Variants in PRH1 observed in about 807,000 individuals in gnomAD.
PRH1 encodes salivary acidic proline-rich phosphoprotein 1/2.
PRH1 carries 7 observed loss-of-function variants against 7.9 expected under a neutral mutation model. The ratio of observed to expected loss-of-function variants is 0.89; its 90% CI spans 0.50 to 1.67. PRH1 has a LOEUF of 1.67. PRH1 is among the 40% of genes most tolerant of loss of function. PRH1 has a pLI of 0.00. For synonymous variants in PRH1, 45 were observed against 80.8 expected, an observed-to-expected ratio of 0.56 and a Z score of 2.38; for missense variants, 109 against 223.6, an observed-to-expected ratio of 0.49 and a Z score of 3.27.
rs1941119582 is a variant in PRH1, at chr12:11,012,748, G to T, written c.-126+34272C>A. 2.6e-5 allele frequency among the ~76,000 whole-genome samples: 4 copies of T among 152,096 alleles called. No homozygotes were observed. The South Asian group carries it at 8.3e-4, about 32-fold the overall frequency. ...ATTTTTCAGTTTTTTTGTAGAAATG[G>T]GGTCTCCCTATGTTGCCCAGTATGG... On this transcript the variant is annotated intron_variant, in intron 1 of 3. Transcript: ENST00000539853.
At chr12:10,888,147 G>A (rs369948850), upstream of PRH1, among the ~76,000 whole-genome samples, 11 of 152,138 alleles carry the variant, frequency 7.2e-5, no homozygotes, top group African/African-American at 2.2e-4. Context: ...ATAGCATCAC[G>A]TCGCCCTTGC....
intron 1 of PRH1, among the ~76,000 whole-genome samples, chr12:11,010,622 G>A (rs1363358357): frequency 1.3e-5 from 2 of 151,730 alleles, no homozygotes; most frequent in African/African-American, 4.8e-5. Context: ...CAAAGTAATT[G>A]TACTTTATAA....
At chr12:10,902,241 A>C (rs2135811417) in intron 2 of PRH1, among the ~76,000 whole-genome samples, 1 of 152,192 alleles carries the variant, frequency 6.6e-6, no homozygotes, top group African/African-American at 2.4e-5. Flanking sequence ...TATAAAGTAC[A>C]ATCTCTCATA....
At chr12:11,091,143 T>TA (rs1565644368) in intron 1 of PRH1, 7 of 61,270 alleles carry the variant, frequency 1.1e-4, no homozygotes, top group East Asian at 1.0e-3. Context: ...TATATATATA[T>TA]TTTCTAGACT....
chr12:10,913,512 A>T (rs987449394), intron 2 of PRH1, among the ~76,000 whole-genome samples: 76 of 152,152 alleles, frequency 5.0e-4, no homozygotes, highest in African/African-American at 1.8e-3. Context: ...TATTTTTGTT[A>T]GTGTTTTATG....
intron 2 of PRH1, chr12:10,909,473 T>G: frequency 3.4e-6 from 2 of 583,666 alleles, no homozygotes; most frequent in Non-Finnish European, 3.1e-6. Flanking sequence ...CTGATCGATC[T>G]TCACATAACT....
intron 1 of PRH1, among the ~76,000 whole-genome samples, chr12:11,021,199 AC>A (rs1281555230): frequency 2.0e-5 from 3 of 152,180 alleles, no homozygotes; most frequent in African/African-American, 2.4e-5. Context: ...AATAAAACCT[AC>A]CCCAAAGATC....
intron 2 of PRH1, among the ~76,000 whole-genome samples, chr12:10,890,690 A>G (rs1291087814): frequency 6.6e-6 from 1 of 152,076 alleles, no homozygotes; most frequent in Non-Finnish European, 1.5e-5. Context: ...CCTGGGTGAC[A>G]TAGTGAGACT....
intron 1 of PRH1, among the ~76,000 whole-genome samples, chr12:11,155,708 T>C (rs1391543469): frequency 6.6e-6 from 1 of 152,194 alleles, no homozygotes; most frequent in Non-Finnish European, 1.5e-5. Context: ...TTTCTCTATA[T>C]TGTTCCATTA....
intron 1 of PRH1, among the ~76,000 whole-genome samples, chr12:11,013,570 T>C (rs573309549): frequency 7.2e-5 from 11 of 152,276 alleles, no homozygotes; most frequent in African/African-American, 2.6e-4. Flanking sequence ...ATTCTATCTG[T>C]GTATTTCTCT....
intron 1 of PRH1, among the ~76,000 whole-genome samples, chr12:11,156,211 T>C (rs1326455683): frequency 6.6e-6 from 1 of 152,236 alleles, no homozygotes; most frequent in Non-Finnish European, 1.5e-5. Context: ...CTAGCTTCCA[T>C]GCTTTCTGCT....
At chr12:11,078,686 A>G (rs1285429589) in intron 1 of PRH1, 2 of 152,042 alleles carry the variant, frequency 1.3e-5, no homozygotes, top group Admixed American at 6.6e-5. Flanking sequence ...CCAAATACAT[A>G]TATCATACAG....
chr12:11,104,355 T>C (rs1945348280), intron 1 of PRH1, among the ~76,000 whole-genome samples: 2 of 152,156 alleles, frequency 1.3e-5, no homozygotes, highest in South Asian at 4.1e-4. Context: ...ATCACCAATG[T>C]AATGAATGAC....
downstream of PRH1, among the ~76,000 whole-genome samples, chr12:11,119,044 T>C (rs557944448): frequency 1.7e-3 from 249 of 143,782 alleles, 1 homozygote; most frequent in Non-Finnish European, 3.0e-3. Context: ...GTGGTACATA[T>C]ACACAGTGGA....
intron 1 of PRH1, among the ~76,000 whole-genome samples, chr12:11,064,112 C>T (rs1357183180): frequency 6.6e-6 from 1 of 152,064 alleles, no homozygotes; most frequent in Admixed American, 6.6e-5. Flanking sequence ...ATGCCACTTT[C>T]CAAGTCCCTA....
At chr12:10,947,401 A>T (rs928756019) in intron 2 of PRH1, among the ~76,000 whole-genome samples, 21 of 151,414 alleles carry the variant, frequency 1.4e-4, no homozygotes, top group East Asian at 5.8e-4. Context: ...TCTTTTTTTT[A>T]AAAAACTTTC....
intron 1 of PRH1, among the ~76,000 whole-genome samples, chr12:11,010,008 T>A (rs1940995861): frequency 6.6e-6 from 1 of 151,980 alleles, no homozygotes; most frequent in South Asian, 2.1e-4. Context: ...AAGAGCTTGA[T>A]CATGAAACAG....
intron 2 of PRH1, among the ~76,000 whole-genome samples, chr12:10,940,747 G>C (rs1950386312): frequency 6.6e-6 from 1 of 152,264 alleles, no homozygotes; most frequent in African/African-American, 2.4e-5. Flanking sequence ...AGTAAAGTGA[G>C]CAAAGCACCA....
At chr12:10,929,215 G>C in intron 2 of PRH1, 1 of 1,611,672 alleles carries the variant, frequency 6.2e-7, no homozygotes, top group Non-Finnish European at 8.5e-7. Flanking sequence ...TCTTTATAAA[G>C]GGAGCTGACA....
Sources: allele counts gnomAD v4.1 joint callset (sites outside exome capture counted in the v4.1 genomes callset), GRCh38; gene constraint gnomAD v4.1.1; transcripts MANE v1.5; gene names NCBI Gene and HGNC (gene_info 2026-07-23, HGNC 2026-07-21).